The following OSBPL3 variants were observed in gnomAD, a reference collection of about 807,000 sequenced individuals.
OSBPL3 encodes oxysterol binding protein like 3, also known as oxysterol-binding protein-related protein 3.
OSBPL3 carries 65 observed loss-of-function variants against 120.1 expected under a neutral mutation model. That is an observed-to-expected ratio of 0.54 (90% CI 0.44 to 0.67). The LOEUF is 0.67. OSBPL3 is among the 30% of genes least tolerant of loss of function. The pLI, the probability that OSBPL3 is intolerant of heterozygous loss-of-function variation, is 0.00. For synonymous variants in OSBPL3, 416 were observed against 402.6 expected (o/e 1.03, Z -0.40); for missense variants, 1,004 against 1,082.1 (o/e 0.93, Z 1.01).
At chr7:24,884,264 A>G (rs1380778131) in intron 2 of OSBPL3, among the ~76,000 whole-genome samples, 3 of 152,196 alleles carry the variant, frequency 2.0e-5, no homozygotes, top group African/African-American at 7.2e-5. Flanking sequence ...TCTAGCATCT[A>G]AAGAAACCCA....
At chr7:24,914,591 A>C (rs1324484030) in intron 1 of OSBPL3, among the ~76,000 whole-genome samples, 1 of 152,026 alleles carries the variant, frequency 6.6e-6, no homozygotes, top group Non-Finnish European at 1.5e-5. Flanking sequence ...GAAATCTTCC[A>C]GGTGTGTCCT....
rs139384464 is a variant in OSBPL3, at chr7:24,850,558, CTTTG to C, written c.1159-1386_1159-1383del. On this transcript the variant is annotated intron_variant, in intron 11 of 22. Transcript: ENST00000313367. The stretch of plus-strand genomic sequence containing the variant: ...CCTGGATCTCCAACAGGGATGCTGG[CTTTG>C]TTTTTCAGTCCCTGCAGAGCATATG... Among the ~76,000 whole-genome samples, 1,239 of 152,296 alleles carry C rather than the reference CTTTG, an allele frequency of 8.1e-3. 14 individuals carry two copies. The highest frequency in any genetic ancestry group is 0.029 in the African/African-American group (1,189 of 41,550).
In OSBPL3 at chr7:24,965,741, G is replaced by A. The variant is rs1485084056; in HGVS notation, c.-150+14145C>T. Among the ~76,000 whole-genome samples, 2 of 152,144 alleles carry A rather than the reference G, an allele frequency of 1.3e-5. No individual in the cohort carries two copies. The highest frequency in any genetic ancestry group is 6.5e-5 in the Admixed American group (1 of 15,284). On this transcript the variant is annotated intron_variant, in intron 1 of 22. Coordinates refer to ENST00000313367, the MANE Select transcript of OSBPL3 (RefSeq NM_015550.4). The surrounding 1 kb of genome is among the most constrained non-coding windows in gnomAD (Gnocchi z 4.3). ...TAATTTGTTTGTTTTTGTGGAGACT[G>A]AGTCTCAGTATTCTAACCAGGCTGG...
intron 14 of OSBPL3, among the ~76,000 whole-genome samples, chr7:24,837,987 C>T (rs183816892): frequency 1.1e-4 from 16 of 152,258 alleles, no homozygotes; most frequent in African/African-American, 3.1e-4. Flanking sequence ...CAAAGAATAA[C>T]AGTGTAGCAA....
chr7:24,974,138 T>A (rs1191953030), intron 1 of OSBPL3, among the ~76,000 whole-genome samples: 1 of 152,214 alleles, frequency 6.6e-6, no homozygotes. Context: ...CTAGCCACAT[T>A]TTAAAGGCTG....
chr7:24,947,706 CAAACT>C lies in OSBPL3; in HGVS notation c.-150+32175_-150+32179del, dbSNP rs1164090848. Among the ~76,000 whole-genome samples the C allele has an allele frequency of 6.6e-6, 1 of 151,878 alleles. No individual in the cohort carries two copies. Among genetic ancestry groups the C allele is most frequent in the African/African-American group, 2.4e-5 (1 of 41,282 alleles). ...AAATTTGAACATTAGAAATATGCTACAAACTAAACTATAATCTGAACACAAGTAAT... is the reference window on the plus strand; with the variant it reads ...AAATTTGAACATTAGAAATATGCTACAAACTATAATCTGAACACAAGTAAT... On this transcript the variant is annotated intron_variant, in intron 1 of 22. Transcript: ENST00000313367. This position sits in a 1 kb window ranked among gnomAD's most constrained non-coding sequence, Gnocchi z 4.4.
At chr7:24,882,369 T>C (rs1803830203) in intron 2 of OSBPL3, among the ~76,000 whole-genome samples, 2 of 152,006 alleles carry the variant, frequency 1.3e-5, no homozygotes, top group South Asian at 2.1e-4. Context: ...TTTCTGTGCC[T>C]GGCTTATTTC....
chr7:24,863,655 G>C lies in OSBPL3; in HGVS notation c.674-56C>G, dbSNP rs1800908022. The stretch of plus-strand genomic sequence containing the variant: ...TGCTCCACTAGCAAGAGGGATCACT[G>C]TGCTGTCCCCATGCCAGCTACTTTT... On this transcript the variant is annotated intron_variant, in intron 7 of 22. Transcript: ENST00000313367. The surrounding 1 kb of genome is among the most constrained non-coding windows in gnomAD (Gnocchi z 5.8). 1 of 1,116,944 alleles carries C rather than the reference G, an allele frequency of 9.0e-7. No individual in the cohort carries two copies. Among genetic ancestry groups the C allele is most frequent in the Non-Finnish European group, 1.4e-6 (1 of 730,674 alleles). 69.2% of individuals were successfully genotyped at this position (1,116,944 alleles called of 1,614,324 possible).
chr7:24,906,761 C>CT (rs1379354284), intron 1 of OSBPL3, among the ~76,000 whole-genome samples: 1 of 152,148 alleles, frequency 6.6e-6, no homozygotes, highest in East Asian at 1.9e-4. Context: ...TTACTGTCTC[C>CT]TTTTCTCTCC....
intron 1 of OSBPL3, among the ~76,000 whole-genome samples, chr7:24,908,042 T>C (rs758363595): frequency 6.6e-6 from 1 of 152,224 alleles, no homozygotes; most frequent in Non-Finnish European, 1.5e-5. Context: ...CAGCTATTCC[T>C]TCCTTGTGAG....
intron 2 of OSBPL3, among the ~76,000 whole-genome samples, chr7:24,880,769 T>G (rs1201248002): frequency 6.6e-6 from 1 of 152,184 alleles, no homozygotes; most frequent in Non-Finnish European, 1.5e-5. Flanking sequence ...CTCCAACTCA[T>G]GAGCACACAC....
chr7:24,975,279 C>T (rs1817458852), intron 1 of OSBPL3, among the ~76,000 whole-genome samples: 1 of 152,120 alleles, frequency 6.6e-6, no homozygotes. Context: ...TCTCCTTGGT[C>T]CAAAGATGAG....
At chr7:24,840,394 T>A (rs999159615) in intron 14 of OSBPL3, among the ~76,000 whole-genome samples, 5 of 152,198 alleles carry the variant, frequency 3.3e-5, no homozygotes, top group Non-Finnish European at 7.3e-5. Context: ...TTTATGATGA[T>A]CCCCTTAACG....
chr7:24,917,454 CATAT>C (rs1174566621), intron 1 of OSBPL3, among the ~76,000 whole-genome samples: 4 of 84,558 alleles, frequency 4.7e-5, no homozygotes, highest in Non-Finnish European at 6.8e-5. Flanking sequence ...TATACACACA[CATAT>C]ATATATATAT....
chr7:24,918,192 T>A lies in OSBPL3; in HGVS notation c.-149-25571A>T. On this transcript the variant is annotated intron_variant, in intron 1 of 22. Transcript: ENST00000313367. The surrounding 1 kb of genome is among the most constrained non-coding windows in gnomAD (Gnocchi z 4.3). ...GTACAGACCTGAGAGGTCAAGAGAG[T>A]CATGAGAAACTGACCATCACATAAA... is the stretch of plus-strand genomic sequence containing the variant. 2.8e-6 allele frequency: 1 copy of A among 362,786 alleles called. No individual in the cohort carries two copies. 22.5% of individuals were successfully genotyped at this position (362,786 alleles called of 1,614,324 possible). A position where few individuals can be genotyped will look rare whatever the true frequency, so the allele number is the denominator to read the frequency against.
chr7:24,821,686 C>T lies in OSBPL3; in HGVS notation c.1885-1448G>A, dbSNP rs1795151927. On this transcript the variant is annotated intron_variant, in intron 16 of 22. Coordinates refer to ENST00000313367, the MANE Select transcript of OSBPL3 (RefSeq NM_015550.4). This position sits in a 1 kb window ranked among gnomAD's most constrained non-coding sequence, Gnocchi z 5.5. The stretch of plus-strand genomic sequence containing the variant: ...GGCATCTTTCAGATTCCTCAATAAA[C>T]ACCAACGCCAGCTGCAATACAAAGC... Among the ~76,000 whole-genome samples the T allele has an allele frequency of 6.6e-6, 1 of 152,170 alleles. No individual in the cohort carries two copies. The highest frequency in any genetic ancestry group is 1.5e-5 in the Non-Finnish European group (1 of 68,028).
intron 19 of OSBPL3, among the ~76,000 whole-genome samples, chr7:24,812,869 T>C (rs1324556631): frequency 6.6e-6 from 1 of 152,124 alleles, no homozygotes; most frequent in African/African-American, 2.4e-5. Flanking sequence ...CTATTGAGAC[T>C]CTTAAGTTGA....
intron 1 of OSBPL3, among the ~76,000 whole-genome samples, chr7:24,915,626 T>G (rs1229882445): frequency 3.3e-5 from 5 of 151,098 alleles, no homozygotes; most frequent in Non-Finnish European, 7.4e-5. Context: ...CAGGCTGGAG[T>G]GCAGTGGTAC....
Position 24,805,170 on chromosome 7 carries a change from T to C in OSBPL3, c.2445-733A>G, listed in dbSNP as rs1049372469. Reference sequence around the variant, plus strand: ...TTATATATTACTGAACTGCCCTTTATGGGGATCATACCCAATTTATATTCC... The same window carrying C: ...TTATATATTACTGAACTGCCCTTTACGGGGATCATACCCAATTTATATTCC... On this transcript the variant is annotated intron_variant, in intron 21 of 22. Coordinates refer to ENST00000313367, the MANE Select transcript of OSBPL3 (RefSeq NM_015550.4). The surrounding 1 kb of genome is among the most constrained non-coding windows in gnomAD (Gnocchi z 4.0). Among the ~76,000 whole-genome samples, 12 of 152,224 alleles carry C rather than the reference T, an allele frequency of 7.9e-5. No homozygotes were observed. The highest frequency in any genetic ancestry group is 4.6e-4 in the Admixed American group (7 of 15,290).
Sources: allele counts gnomAD v4.1 joint callset (sites outside exome capture counted in the v4.1 genomes callset), GRCh38; gene constraint gnomAD v4.1.1; non-coding constraint Gnocchi (gnomAD v3.1); transcripts MANE v1.5; gene names NCBI Gene and HGNC (gene_info 2026-07-23, HGNC 2026-07-21).